TRAPPC3L: variants seen among roughly 807,000 people sequenced by gnomAD.
TRAPPC3L encodes the protein trafficking protein particle complex subunit 3L.
TRAPPC3L carries 23 observed loss-of-function variants against 23.7 expected under a neutral mutation model. That is an observed-to-expected ratio of 0.97 (90% CI 0.70 to 1.37). TRAPPC3L has a LOEUF of 1.37. TRAPPC3L is among the 40% of genes most tolerant of loss of function. The pLI is 0.00. For missense variants in TRAPPC3L, 212 were observed against 216.8 expected (o/e 0.98, Z 0.14); for synonymous variants, 81 against 77.9 (o/e 1.04, Z -0.21).
intron 3 of TRAPPC3L, among the ~76,000 whole-genome samples, chr6:116,526,790 A>T (rs1415890774): frequency 2.0e-5 from 3 of 152,112 alleles, no homozygotes; most frequent in Non-Finnish European, 4.4e-5. Flanking sequence ...TTTTTTCTTA[A>T]TAAAGAATTT....
chr6:116,501,757 C>T (rs1771919289), intron 3 of TRAPPC3L, among the ~76,000 whole-genome samples: 1 of 152,184 alleles, frequency 6.6e-6, no homozygotes. Context: ...CTCCAGAAAA[C>T]TCCAACAGAC....
intron 3 of TRAPPC3L, among the ~76,000 whole-genome samples, chr6:116,537,703 A>G (rs1773186921): frequency 6.6e-6 from 1 of 152,200 alleles, no homozygotes; most frequent in Non-Finnish European, 1.5e-5. Context: ...GGGCAAGGTG[A>G]GGAGCATTCG....
At position 116,540,575 on chromosome 6, in the gene TRAPPC3L, A is replaced by C. The variant is rs1583295464; in HGVS notation, c.141-113T>G. 3.0e-5 allele frequency: 32 copies of C among 1,068,866 alleles called. 1 individual carries two copies. In the South Asian group the frequency reaches 4.8e-4, roughly 16 times the overall value. The allele number at this position is 1,068,866 out of a possible 1,614,324, so 66.2% of individuals were successfully genotyped here. A position where few individuals can be genotyped will look rare whatever the true frequency, so the allele number is the denominator to read the frequency against. On this transcript the variant is annotated intron_variant, in intron 2 of 4. Coordinates refer to ENST00000368602, the MANE Select transcript of TRAPPC3L (RefSeq NM_001139444.3). Reference sequence around the variant, plus strand: ...ACTTGTGCAAGTGAATCACAAATCAAACCAAATATGACGAGTCAAATGGCT... The same window carrying C: ...ACTTGTGCAAGTGAATCACAAATCACACCAAATATGACGAGTCAAATGGCT...
At chr6:116,510,600 G>T (rs577189243) in intron 3 of TRAPPC3L, among the ~76,000 whole-genome samples, 20 of 151,920 alleles carry the variant, frequency 1.3e-4, no homozygotes, top group Non-Finnish European at 2.8e-4. Context: ...CATTCTTAAA[G>T]AAAGAACTTT....
intron 3 of TRAPPC3L, among the ~76,000 whole-genome samples, chr6:116,510,825 A>G (rs1772101747): frequency 6.6e-6 from 1 of 152,068 alleles, no homozygotes; most frequent in Admixed American, 6.6e-5. Flanking sequence ...ATGGAATACT[A>G]CTCAGTCATA....
chr6:116,500,969 T>G (rs1771902241), intron 3 of TRAPPC3L, among the ~76,000 whole-genome samples: 1 of 152,202 alleles, frequency 6.6e-6, no homozygotes, highest in Admixed American at 6.5e-5. Context: ...GGTACCTGGT[T>G]CATCTCACTG....
At chr6:116,501,733 A>G (rs1217762718) in intron 3 of TRAPPC3L, among the ~76,000 whole-genome samples, 1 of 152,166 alleles carries the variant, frequency 6.6e-6, no homozygotes, top group Non-Finnish European at 1.5e-5. Flanking sequence ...AGGCAAACAG[A>G]GTCTGGAGTG....
At chr6:116,515,794 T>G (rs1360327056) in intron 3 of TRAPPC3L, 1 of 1,613,994 alleles carries the variant, frequency 6.2e-7, no homozygotes, top group Non-Finnish European at 8.5e-7. Flanking sequence ...TGAAATGTTT[T>G]TTTGAAAACA....
chr6:116,506,437 A>G (rs1387717352), intron 3 of TRAPPC3L, among the ~76,000 whole-genome samples: 2 of 152,204 alleles, frequency 1.3e-5, no homozygotes, highest in African/African-American at 4.8e-5. Context: ...TAGTTCAACA[A>G]TTTTGGAAGA....
intron 3 of TRAPPC3L, among the ~76,000 whole-genome samples, chr6:116,502,266 AG>A (rs555984704): frequency 1.8e-3 from 276 of 152,338 alleles, no homozygotes; most frequent in African/African-American, 6.3e-3. Context: ...AGTGGAAAAA[AG>A]GATATCAGTG....
intron 3 of TRAPPC3L, chr6:116,520,921 T>A (rs1416007811): frequency 1.3e-5 from 2 of 152,206 alleles, no homozygotes; most frequent in East Asian, 3.9e-4. Context: ...AGCATTTTTT[T>A]TTTTATGAAT....
chr6:116,545,637 T>C lies in TRAPPC3L; in HGVS notation c.-123A>G. 3 of 767,740 alleles carry C rather than the reference T, an allele frequency of 3.9e-6. No homozygotes were observed. The highest frequency in any genetic ancestry group is 4.1e-6 in the Non-Finnish European group (2 of 484,328). 47.6% of individuals were successfully genotyped at this position (767,740 alleles called of 1,614,324 possible). A position where few individuals can be genotyped will look rare whatever the true frequency, so the allele number is the denominator to read the frequency against. ...GCTCTTCCTCGCTTTGAGACAGGAG[T>C]GCTGCTTCTGCACTCTGCTGCTTTT... is the stretch of plus-strand genomic sequence containing the variant. On this transcript the variant is annotated 5_prime_UTR_variant, in exon 1 of 5. Transcript: ENST00000368602.
chr6:116,522,364 A>T (rs2115174907), intron 3 of TRAPPC3L: 1 of 152,374 alleles, frequency 6.6e-6, no homozygotes, highest in East Asian at 1.9e-4. Context: ...ATTTTGGGGC[A>T]ATATGAAGCG....
At chr6:116,501,102 TAACTGTACTTGGAGG>T (rs1161784917) in intron 3 of TRAPPC3L, among the ~76,000 whole-genome samples, 1 of 152,024 alleles carries the variant, frequency 6.6e-6, no homozygotes, top group African/African-American at 2.4e-5. Context: ...AAGCCATGAG[TAACTGTACTTGGAGG>T]AACTGTACAC....
chr6:116,536,866 A>G (rs1773127977), intron 3 of TRAPPC3L, among the ~76,000 whole-genome samples: 2 of 152,196 alleles, frequency 1.3e-5, no homozygotes, highest in South Asian at 2.1e-4. Context: ...TGACTGTATC[A>G]TTTGACATCT....
intron 3 of TRAPPC3L, chr6:116,516,683 A>G (rs913122778): frequency 3.2e-5 from 2 of 61,990 alleles, no homozygotes; most frequent in Non-Finnish European, 4.4e-5. Flanking sequence ...ATATATATAT[A>G]TATATATATA....
At chr6:116,526,665 A>G (rs1772443087) in intron 3 of TRAPPC3L, among the ~76,000 whole-genome samples, 1 of 152,092 alleles carries the variant, frequency 6.6e-6, no homozygotes, top group African/African-American at 2.4e-5. Flanking sequence ...CAAACTAAAC[A>G]TTACACCAGG....
chr6:116,502,048 T>C (rs1022144447), intron 3 of TRAPPC3L, among the ~76,000 whole-genome samples: 2 of 152,206 alleles, frequency 1.3e-5, no homozygotes, highest in Non-Finnish European at 2.9e-5. Context: ...AGAAGTAGGC[T>C]TCAGAGGTCA....
chr6:116,525,827 C>T (rs1407413214), intron 3 of TRAPPC3L, among the ~76,000 whole-genome samples: 1 of 152,148 alleles, frequency 6.6e-6, no homozygotes, highest in Non-Finnish European at 1.5e-5. Context: ...AAAATGGTGA[C>T]TAGTTGCATT....
Sources: allele counts gnomAD v4.1 joint callset (sites outside exome capture counted in the v4.1 genomes callset), GRCh38; gene constraint gnomAD v4.1.1; transcripts MANE v1.5; gene names NCBI Gene and HGNC (gene_info 2026-07-23, HGNC 2026-07-21).